CNTRL: variants seen among roughly 807,000 people sequenced by gnomAD.
CNTRL encodes the protein centriolin.
In CNTRL, 233 loss-of-function variants were observed where a neutral mutation model predicts 303.7. The observed-to-expected ratio is 0.77, with a 90% CI of 0.69 to 0.86. The LOEUF (loss-of-function observed/expected upper bound fraction) is 0.86. Ranked by LOEUF, CNTRL falls within the 40% of genes least tolerant of loss-of-function variation. The pLI is 0.00. For missense variants in CNTRL, 2,524 were observed against 2,650.6 expected, an observed-to-expected ratio of 0.95 and a Z score of 1.05; for synonymous variants, 900 against 922.2, an observed-to-expected ratio of 0.98 and a Z score of 0.44.
chr9:121,118,671 T>G (rs1297615998), intron 12 of CNTRL, 131 bp downstream of exon 12: 2 of 613,586 alleles, frequency 3.3e-6, no homozygotes, highest in East Asian at 3.0e-5. Flanking sequence ...GATATATACA[T>G]ACAGTCAGCC....
At position 121,153,742 on chromosome 9, in the gene CNTRL, T is replaced by A. The variant is rs987977167; in HGVS notation, c.4173-979T>A. On this transcript the variant is annotated intron_variant, in intron 26 of 43. Coordinates refer to ENST00000373855, the MANE Select transcript of CNTRL (RefSeq NM_007018.6). The stretch of plus-strand genomic sequence containing the variant: ...CCATGAATTATGACAGTTCCCCAGT[T>A]TTTGTCATTTAACCCAGACTGGCCC... 2.0e-5 allele frequency among the ~76,000 whole-genome samples: 3 copies of A among 152,182 alleles called. No homozygotes were observed. The East Asian group carries it at 5.8e-4, about 29-fold the overall frequency.
At chr9:121,160,751 A>T (rs7034074) in intron 32 of CNTRL, among the ~76,000 whole-genome samples, 76,564 of 152,062 alleles carry the variant, frequency 0.5, 21,551 homozygotes, top group South Asian at 0.8. Flanking sequence ...AGGCTGAGGC[A>T]AGAGGATTGC....
At chr9:121,101,887 T>C (rs760066106) in intron 7 of CNTRL, among the ~76,000 whole-genome samples, 2 of 151,930 alleles carry the variant, frequency 1.3e-5, no homozygotes, top group Admixed American at 6.6e-5. Flanking sequence ...AATAACAGGC[T>C]CTGAAATTGA....
In CNTRL at chr9:121,155,442, C is replaced by T. The variant is rs1049867490; in HGVS notation, c.4365+529C>T. On this transcript the variant is annotated intron_variant, in intron 27 of 43. Transcript: ENST00000373855. ...TGTCACCCAGGCTGGAGTGGAGTGG[C>T]GCAATCTTGGCTCACTGCAACCTCC... is the stretch of plus-strand genomic sequence containing the variant. Among the ~76,000 whole-genome samples the T allele has an allele frequency of 4.6e-5, 7 of 152,118 alleles. No individual in the cohort carries two copies. The East Asian group carries it at 1.2e-3, about 25-fold the overall frequency.
chr9:121,139,235 A>T (rs1470258781), intron 16 of CNTRL, among the ~76,000 whole-genome samples: 1 of 152,212 alleles, frequency 6.6e-6, no homozygotes, highest in Non-Finnish European at 1.5e-5. Context: ...CAGGAAAAAC[A>T]GGTGGATAGG....
At chr9:121,103,419 A>C (rs1333070563) in intron 7 of CNTRL, among the ~76,000 whole-genome samples, 3 of 152,254 alleles carry the variant, frequency 2.0e-5, no homozygotes, top group Non-Finnish European at 4.4e-5. Flanking sequence ...TAAAGACTTA[A>C]ATGTCAGACC....
chr9:121,128,398 A>G (rs1279111445), intron 14 of CNTRL, among the ~76,000 whole-genome samples: 2 of 152,224 alleles, frequency 1.3e-5, no homozygotes, highest in Non-Finnish European at 2.9e-5. Flanking sequence ...ATGGCCAGTG[A>G]TGATGAGCAT....
intron 14 of CNTRL, among the ~76,000 whole-genome samples, chr9:121,129,668 T>C (rs1433891035): frequency 6.6e-6 from 1 of 152,220 alleles, no homozygotes; most frequent in Non-Finnish European, 1.5e-5. Context: ...CTTCCAACAC[T>C]ATGTTGAATA....
chr9:121,149,513 C>T (rs1326106402), intron 24 of CNTRL, among the ~76,000 whole-genome samples: 1 of 152,016 alleles, frequency 6.6e-6, no homozygotes, highest in Non-Finnish European at 1.5e-5. Flanking sequence ...GCAATTCTCT[C>T]TCCTGTTTCA....
Position 121,162,081 on chromosome 9 carries a change from C to A in CNTRL, c.5233C>A (p.Gln1745Lys), listed in dbSNP as rs1320481916. Reference protein sequence around the residue: ...EEKLELENLQQISQQQKGEIE... With the variant: ...EEKLELENLQKISQQQKGEIE... ...GAAACTGGAGTTAGAGAATTTGCAG[C>A]AGATATCCCAGCAGCAGAAAGGGGA... is the stretch of plus-strand genomic sequence containing the variant. The change falls in exon 34 of 44, where the codon CAG becomes AAG. Residue 1745 changes from glutamine (Q) to lysine (K), a missense_variant. Transcript: ENST00000373855. The A allele has an allele frequency of 6.2e-7, 1 of 1,614,040 alleles. No homozygotes were observed. The highest frequency in any genetic ancestry group is 8.5e-7 in the Non-Finnish European group (1 of 1,180,030).
intron 42 of CNTRL, among the ~76,000 whole-genome samples, 163 bp from the exon 43 acceptor site, chr9:121,174,855 G>A (rs1254906874): frequency 6.6e-6 from 1 of 152,148 alleles, no homozygotes; most frequent in Admixed American, 6.5e-5. Flanking sequence ...TGCACACTAA[G>A]TATCCACCTG....
In CNTRL at chr9:121,138,634, G is replaced by A; in HGVS notation, c.2292G>A (p.Lys764=). The A allele has an allele frequency of 6.2e-7, 1 of 1,613,938 alleles. No individual in the cohort carries two copies. Among genetic ancestry groups the A allele is most frequent in the Non-Finnish European group, 8.5e-7 (1 of 1,179,848 alleles). ...GAAAAGCCCAGTTCTCAGAAGAAAA[G>A]GAGCAAGAGAACAGTGAGCTCCATG... ...ALGKAQFSEE[K]EQENSELHAK... Residue 764 remains lysine (K), a synonymous_variant, in exon 16 of 44, where the codon AAG becomes AAA. Coordinates refer to ENST00000373855, the MANE Select transcript of CNTRL (RefSeq NM_007018.6).
intron 26 of CNTRL, among the ~76,000 whole-genome samples, chr9:121,154,242 T>C (rs2052442358): frequency 6.6e-6 from 1 of 152,240 alleles, no homozygotes; most frequent in Admixed American, 6.5e-5. Context: ...TTGAATTGTG[T>C]GTCACAGTTT....
intron 25 of CNTRL, 166 bp from the exon 26 acceptor site, chr9:121,152,319 G>C: frequency 1.6e-6 from 1 of 609,204 alleles, no homozygotes; most frequent in South Asian, 2.0e-5. Flanking sequence ...TTGTCTGTCA[G>C]TTTCATCCGT....
At chr9:121,123,652 G>A (rs72760225) in intron 12 of CNTRL, among the ~76,000 whole-genome samples, 12,607 of 151,910 alleles carry the variant, frequency 0.083, 566 homozygotes, top group Non-Finnish European at 0.11. Context: ...TTAATGCAAC[G>A]CAAATAACAC....
chr9:121,112,429 A>G (rs745317994), intron 8 of CNTRL, 30 bp from the exon 9 acceptor site: 2 of 1,605,830 alleles, frequency 1.2e-6, no homozygotes, highest in Admixed American at 1.7e-5. Flanking sequence ...CTGATCCTGT[A>G]TGTTGTCTCA....
chr9:121,169,782 A>G lies in CNTRL; in HGVS notation c.6242A>G (p.Lys2081Arg). ...KQVASLKEAL[K>R]IQRSQLEKNL... ...GTGGCCAGCCTGAAGGAAGCACTTAAGATCCAGCGGAGCCAGCTGGAGAAA... is the reference window on the plus strand; with the variant it reads ...GTGGCCAGCCTGAAGGAAGCACTTAGGATCCAGCGGAGCCAGCTGGAGAAA... Residue 2081 changes from lysine (K) to arginine (R), a missense_variant, in exon 39 of 44, where the codon AAG (lysine) becomes AGG (arginine). Physicochemically the swap from Lys to Arg is conservative, Grantham distance 26. Transcript: ENST00000373855. 2 of 1,614,214 alleles carry G rather than the reference A, an allele frequency of 1.2e-6. No homozygotes were observed. The highest frequency in any genetic ancestry group is 1.7e-6 in the Non-Finnish European group (2 of 1,180,022).
At position 121,169,702 on chromosome 9, in the gene CNTRL, C is replaced by T; in HGVS notation, c.6162C>T (p.Asp2054=). 1.2e-6 allele frequency: 2 copies of T among 1,614,202 alleles called. No individual in the cohort carries two copies. The highest frequency in any genetic ancestry group is 8.5e-7 in the Non-Finnish European group (1 of 1,180,032). The change falls in exon 39 of 44, where the codon GAC becomes GAT. Residue 2054 remains aspartate, a synonymous_variant. Transcript: ENST00000373855. ...AAGAGGCAGATTCTATGAGGGCAGACTTCAGCCTTCTGCGGAACCAGTTCT... is the reference window on the plus strand; with the variant it reads ...AAGAGGCAGATTCTATGAGGGCAGATTTCAGCCTTCTGCGGAACCAGTTCT... ...LQKEADSMRA[D]FSLLRNQFLT... is the part of the protein sequence containing the mutation.
intron 43 of CNTRL, among the ~76,000 whole-genome samples, chr9:121,176,563 G>A (rs2053532409): frequency 6.6e-6 from 1 of 152,224 alleles, no homozygotes; most frequent in African/African-American, 2.4e-5. Context: ...AGTAGTGAGA[G>A]AAGAGTAGAG....
Sources: allele counts gnomAD v4.1 joint callset (sites outside exome capture counted in the v4.1 genomes callset), GRCh38; gene constraint gnomAD v4.1.1; transcripts MANE v1.5; gene names NCBI Gene and HGNC (gene_info 2026-07-23, HGNC 2026-07-21).